FANCI: variants seen among roughly 807,000 people sequenced by gnomAD.
FANCI encodes the protein FA complementation group I.
Under a neutral mutation model 176.1 loss-of-function variants are expected in FANCI, and 156 were observed. The observed-to-expected ratio is 0.89, with a 90% confidence interval of 0.78 to 1.01. The LOEUF is 1.01. Ranked by LOEUF, FANCI falls within the 50% of genes least tolerant of loss-of-function variation. The probability of loss-of-function intolerance (pLI) is 0.00; values close to 1 mark genes in which losing one functional copy is unlikely to be tolerated. For synonymous variants in FANCI, 613 were observed against 541.7 expected (o/e 1.13, Z -1.83); for missense variants, 1,678 against 1,534.1 (o/e 1.09, Z -1.57).
intron 14 of FANCI, among the ~76,000 whole-genome samples, chr15:89,280,015 A>G (rs2053557010): frequency 6.6e-6 from 1 of 151,994 alleles, no homozygotes; most frequent in Non-Finnish European, 1.5e-5. Flanking sequence ...GTAAATTGTC[A>G]GCTCTTTTTG....
At chr15:89,282,149 G>A (rs947872285) in intron 16 of FANCI, 8 of 376,946 alleles carry the variant, frequency 2.1e-5, no homozygotes, top group South Asian at 1.6e-4. Flanking sequence ...TCAAAGTCAG[G>A]TCTAACATCA....
chr15:89,265,272 A>G (rs527974847), intron 9 of FANCI, among the ~76,000 whole-genome samples: 3 of 152,128 alleles, frequency 2.0e-5, no homozygotes, highest in Non-Finnish European at 2.9e-5. Flanking sequence ...CATTGGCATG[A>G]TCTCAGCTCA....
Position 89,274,269 on chromosome 15 carries a change from T to C in FANCI, c.1077T>C (p.Tyr359=), listed in dbSNP as rs770128450. ...AGAATCTAGTTCCTCATAGATCTTA[T>C]GTTTCAACCATGATCTTGGAAGTAG... is the stretch of plus-strand genomic sequence containing the variant. The part of the protein sequence containing the change: ...FLQNLVPHRS[Y]VSTMILEVVK... Residue 359 remains tyrosine, a synonymous_variant, in exon 12 of 38, where the codon TAT becomes TAC. Coordinates refer to ENST00000310775, the MANE Select transcript of FANCI (RefSeq NM_001113378.2). 3.1e-6 allele frequency: 5 copies of C among 1,613,458 alleles called. No homozygotes were observed. The highest frequency in any genetic ancestry group is 2.2e-5 in the South Asian group (2 of 91,032).
Position 89,260,746 on chromosome 15 carries a change from GGAGACGTA to G in FANCI, c.192_199del (p.Arg65AspfsTer21). The G allele has an allele frequency of 1.2e-6, 2 of 1,613,998 alleles. No homozygotes were observed. Among genetic ancestry groups the G allele is most frequent in the Non-Finnish European group, 8.5e-7 (1 of 1,179,928 alleles). On this transcript the variant is annotated frameshift_variant, in exon 4 of 38. Transcript: ENST00000310775. LOFTEE classifies it high-confidence loss of function. ...TGCTCTGAGGAAGCTGGAACACTTA[GGAGACGTA>G]AGATATACACTTGTTGTATCCAGTT...
chr15:89,309,651 A>G (rs1034580568), intron 34 of FANCI, among the ~76,000 whole-genome samples: 1 of 152,180 alleles, frequency 6.6e-6, no homozygotes, highest in African/African-American at 2.4e-5. Context: ...TGAGCCTAGG[A>G]CTTGAAGGCT....
intron 6 of FANCI, 40 bp downstream of exon 6, chr15:89,261,918 A>G: frequency 6.3e-7 from 1 of 1,591,878 alleles, no homozygotes; most frequent in Non-Finnish European, 8.6e-7. Context: ...TAGGAATACA[A>G]GTGGCGGAAA....
Position 89,299,956 on chromosome 15 carries a change from C to G in FANCI, c.2793C>G (p.Leu931=). 1 of 1,613,970 alleles carries G rather than the reference C, an allele frequency of 6.2e-7. No homozygotes were observed. Among genetic ancestry groups the G allele is most frequent in the Non-Finnish European group, 8.5e-7 (1 of 1,179,938 alleles). The change falls in exon 25 of 38, where the codon CTC becomes CTG. Residue 931 remains leucine, a synonymous_variant. Transcript: ENST00000310775. ...ATCAGCCCAAGATTCAGCAGTTTCTCAGAGCTCTGGGTAAGCATTGCAGTA... is the reference window on the plus strand; with the variant it reads ...ATCAGCCCAAGATTCAGCAGTTTCTGAGAGCTCTGGGTAAGCATTGCAGTA... The part of the protein sequence containing the change: ...QFYQPKIQQF[L]RALDVTDKEG...
chr15:89,272,581 CTA>C (rs1439809179), intron 10 of FANCI, among the ~76,000 whole-genome samples: 1 of 152,056 alleles, frequency 6.6e-6, no homozygotes, highest in African/African-American at 2.4e-5. Context: ...TGAAATTTTT[CTA>C]TATGTTTTCC....
chr15:89,313,118 A>T, intron 35 of FANCI, 146 bp downstream of exon 35: 4 of 805,248 alleles, frequency 5.0e-6, no homozygotes, highest in Non-Finnish European at 8.5e-6. Context: ...AAGGCAAACT[A>T]GATTAGTGGT....
intron 10 of FANCI, 66 bp from the exon 11 acceptor site, chr15:89,273,307 TTTTA>T: frequency 1.3e-6 from 1 of 787,500 alleles, no homozygotes; most frequent in Non-Finnish European, 2.1e-6. Context: ...ATCTTTTTTT[TTTTA>T]AAAAAAAAAA....
At chr15:89,244,646 C>G (rs906952079) in intron 1 of FANCI, among the ~76,000 whole-genome samples, 1 of 152,234 alleles carries the variant, frequency 6.6e-6, no homozygotes, top group Non-Finnish European at 1.5e-5. Context: ...GGCTGGACAC[C>G]TTTTTAGGTT....
intron 10 of FANCI, 50 bp from the exon 11 acceptor site, chr15:89,273,319 AAAAAAAAG>A: frequency 1.2e-5 from 11 of 912,342 alleles, no homozygotes; most frequent in Middle Eastern, 2.6e-4. Flanking sequence ...TTAAAAAAAA[AAAAAAAAG>A]AAAAAAGAAA....
rs769972292 is a variant in FANCI at position 89,292,790 on chromosome 15, T to A, written c.2095T>A (p.Tyr699Asn). 6.2e-7 allele frequency: 1 copy of A among 1,614,066 alleles called. No homozygotes were observed. The highest frequency in any genetic ancestry group is 8.5e-7 in the Non-Finnish European group (1 of 1,179,986). The part of the protein sequence containing the change: ...EEEEEEEEAF[Y>N]EDLDDILESI... ...GGAAGAGGAGGAGGAAGAGGCATTC[T>A]ACGAAGACCTAGATGATATATTGGA... The change falls in exon 21 of 38, where the codon TAC becomes AAC. Residue 699 changes from tyrosine to asparagine, a missense_variant. Coordinates refer to ENST00000310775, the MANE Select transcript of FANCI (RefSeq NM_001113378.2).
intron 6 of FANCI, among the ~76,000 whole-genome samples, chr15:89,262,716 A>G (rs1031452330): frequency 3.9e-5 from 6 of 152,236 alleles, no homozygotes; most frequent in African/African-American, 7.2e-5. Context: ...AGTTTATTCA[A>G]TACATACTGT....
chr15:89,274,035 A>G (rs1055511527), intron 11 of FANCI, 133 bp from the exon 12 acceptor site: 1 of 684,360 alleles, frequency 1.5e-6, no homozygotes, highest in Non-Finnish European at 2.4e-6. Context: ...AGCTCATAGG[A>G]ACAGTTATAA....
chr15:89,253,512 AAAATAAATAAATAAATAAAT>A (rs10691127), intron 2 of FANCI, among the ~76,000 whole-genome samples: 1 of 138,582 alleles, frequency 7.2e-6, no homozygotes, highest in Non-Finnish European at 1.5e-5. Context: ...CTGTCTCTTA[AAAATAAATAAATAAATAAAT>A]AAATAAATAA....
At position 89,261,698 on chromosome 15, in the gene FANCI, C is replaced by A; in HGVS notation, c.402C>A (p.Leu134=). 3.1e-6 allele frequency: 5 copies of A among 1,614,154 alleles called. No homozygotes were observed. The highest frequency in any genetic ancestry group is 4.2e-6 in the Non-Finnish European group (5 of 1,180,030). Reference sequence around the variant, plus strand: ...CTTTGGAGTTACTACCTATCATTCTCACTGCCCTGGCTACGAAAAAGGAAA... The same window carrying A: ...CTTTGGAGTTACTACCTATCATTCTAACTGCCCTGGCTACGAAAAAGGAAA... ...GKSLELLPII[L]TALATKKENL... Residue 134 remains leucine, a synonymous_variant, in exon 5 of 38, where the codon CTC becomes CTA. Coordinates refer to ENST00000310775, the MANE Select transcript of FANCI (RefSeq NM_001113378.2).
intron 2 of FANCI, among the ~76,000 whole-genome samples, chr15:89,252,613 G>A (rs923464139): frequency 2.0e-5 from 3 of 152,088 alleles, no homozygotes; most frequent in East Asian, 1.9e-4. Context: ...GGTGGTGCAC[G>A]CCTGTAGTCT....
chr15:89,260,568 T>G, intron 3 of FANCI, 145 bp from the exon 4 acceptor site: 1 of 1,050,086 alleles, frequency 9.5e-7, no homozygotes, highest in Non-Finnish European at 1.4e-6. Context: ...TTCAAAGCCC[T>G]TAACCATTGC....
Sources: gnomAD v4.1 joint callset for allele counts (sites outside exome capture counted in the v4.1 genomes callset) on GRCh38, gnomAD v4.1.1 for gene constraint, MANE v1.5 for transcripts, NCBI Gene and HGNC (gene_info 2026-07-23, HGNC 2026-07-21) for gene names.